Variants in TTC19 observed in about 807,000 individuals in gnomAD.
TTC19 encodes the protein tetratricopeptide repeat protein 19, mitochondrial.
Under a neutral mutation model 49.5 loss-of-function variants are expected in TTC19, and 38 were observed. The observed-to-expected ratio is 0.77, with a 90% CI of 0.59 to 1.01. TTC19 has a LOEUF of 1.01. TTC19 is among the 50% of genes least tolerant of loss of function. The pLI, the probability that TTC19 is intolerant of heterozygous loss-of-function variation, is 0.00. For synonymous variants in TTC19, 204 were observed against 185.2 expected (o/e 1.10, Z -0.83); for missense variants, 475 against 477.7 (o/e 0.99, Z 0.05).
chr17:16,032,461 G>A, downstream of TTC19: 1 of 1,596,054 alleles, frequency 6.3e-7, no homozygotes, highest in Non-Finnish European at 8.5e-7. Flanking sequence ...TAGTCAGAGG[G>A]TTATAAGGAA....
At position 16,026,845 on chromosome 17, in the gene TTC19, G is replaced by A. The variant is rs909891372; in HGVS notation, c.994+143G>A. On this transcript the variant is annotated intron_variant, in intron 9 of 9. Coordinates refer to ENST00000261647, the MANE Select transcript of TTC19 (RefSeq NM_017775.4). ...AAGACTGGTTGAATGGCAGAAAAAGGAGGTATTGATTAGGTTGAAGTACTA... is the reference window on the plus strand; with the variant it reads ...AAGACTGGTTGAATGGCAGAAAAAGAAGGTATTGATTAGGTTGAAGTACTA... 1.3e-5 allele frequency: 12 copies of A among 893,798 alleles called. No individual in the cohort carries two copies. In the African/African-American group the frequency reaches 1.5e-4, roughly 11 times the overall value. The allele number at this position is 893,798 out of a possible 1,614,324, so 55.4% of individuals were successfully genotyped here.
At chr17:16,039,786 A>C in intron 2 of TTC19, 1 of 767,186 alleles carries the variant, frequency 1.3e-6, no homozygotes, top group Non-Finnish European at 2.1e-6. Flanking sequence ...AGGACCCACC[A>C]CACAGAGACC....
At chr17:16,041,658 A>G (rs1202380897) in intron 2 of TTC19, among the ~76,000 whole-genome samples, 1 of 151,816 alleles carries the variant, frequency 6.6e-6, no homozygotes. Context: ...CAGGTGATCT[A>G]CCCACCTCAG....
In TTC19 at chr17:16,006,523, G is replaced by GA; in HGVS notation, c.637dup (p.Ile213AsnfsTer2). 2 of 1,613,764 alleles carry GA rather than the reference G, an allele frequency of 1.2e-6. No individual in the cohort carries two copies. Among genetic ancestry groups the GA allele is most frequent in the South Asian group, 1.1e-5 (1 of 91,058 alleles). On this transcript the variant is annotated frameshift_variant, in exon 7 of 10. Coordinates refer to ENST00000261647, the MANE Select transcript of TTC19 (RefSeq NM_017775.4). LOFTEE classifies it high-confidence loss of function. ...TGAATTCTGCATTTCAACTCTAGAG[G>GA]AAAAAATTGAAAGAGAAAAGGAATT...
At chr17:16,042,020 C>T (rs1158205017) in intron 2 of TTC19, among the ~76,000 whole-genome samples, 2 of 152,116 alleles carry the variant, frequency 1.3e-5, no homozygotes, top group Non-Finnish European at 2.9e-5. Context: ...AGGTGTGAGC[C>T]ACCGTGCCCG....
chr17:16,017,063 A>G (rs1297095772), intron 7 of TTC19, among the ~76,000 whole-genome samples: 1 of 152,140 alleles, frequency 6.6e-6, no homozygotes, highest in Admixed American at 6.5e-5. Flanking sequence ...TCATAGATAT[A>G]TTTATTTGTT....
At position 16,000,215 on chromosome 17, in the gene TTC19, A is replaced by T. The variant is rs778180602; in HGVS notation, c.282A>T (p.Ala94=). The change falls in exon 2 of 10, where the codon GCA becomes GCT. Residue 94 remains alanine (A), a synonymous_variant. Coordinates refer to ENST00000261647, the MANE Select transcript of TTC19 (RefSeq NM_017775.4). ...AGGACGGGGCGGACGAGGCCGAGGC[A>T]GAGATCATCCAGCTGCTGAAGCGAG... The part of the protein sequence containing the change: ...AAEDGADEAE[A]EIIQLLKRAK... The T allele has an allele frequency of 1.4e-4, 224 of 1,594,996 alleles. 1 individual carries two copies. Among genetic ancestry groups the T allele is most frequent in the Non-Finnish European group, 4.6e-5 (54 of 1,179,136 alleles).
At chr17:16,004,006 CT>C in intron 5 of TTC19, 119 bp downstream of exon 5, 4 of 1,208,704 alleles carry the variant, frequency 3.3e-6, no homozygotes, top group Non-Finnish European at 4.8e-6. Flanking sequence ...AGTTTCCCTT[CT>C]GAGATCTCTA....
At chr17:16,004,161 T>C (rs1301717779) in intron 5 of TTC19, 40 bp from the exon 6 acceptor site, 1 of 1,593,444 alleles carries the variant, frequency 6.3e-7, no homozygotes, top group Non-Finnish European at 8.6e-7. Flanking sequence ...ATGAAAAAAT[T>C]TACTTGTTAT....
intron 7 of TTC19, 44 bp downstream of exon 7, chr17:16,006,612 GCTTTA>G: frequency 7.8e-7 from 1 of 1,281,390 alleles, no homozygotes. Flanking sequence ...TCCACAAAAG[GCTTTA>G]CTTTACACTT....
chr17:16,035,258 T>C (rs574671455), intron 2 of TTC19, among the ~76,000 whole-genome samples: 11 of 152,334 alleles, frequency 7.2e-5, no homozygotes, highest in Non-Finnish European at 1.0e-4. Flanking sequence ...ATTTGTAGCA[T>C]GCAATGATAG....
intron 7 of TTC19, chr17:16,023,971 AG>A (rs1311490735): frequency 2.6e-5 from 4 of 152,230 alleles, no homozygotes; most frequent in Non-Finnish European, 5.9e-5. Context: ...AGATTATCTA[AG>A]GTAACCTCTT....
intron 7 of TTC19, chr17:16,023,572 ACAT>A (rs1473104440): frequency 5.3e-5 from 8 of 152,364 alleles, no homozygotes; most frequent in Admixed American, 5.2e-4. Context: ...CGTGATGTTA[ACAT>A]CATTCTCGAA....
chr17:16,031,238 C>G, downstream of TTC19: 1 of 198,786 alleles, frequency 5.0e-6, no homozygotes. Context: ...GGACTGTGTT[C>G]ACCATGAGTT....
At chr17:16,023,049 G>C (rs6502487) in intron 7 of TTC19, among the ~76,000 whole-genome samples, 25,216 of 151,960 alleles carry the variant, frequency 0.17, 4,745 homozygotes, top group African/African-American at 0.46. Context: ...ACTAGCAAAG[G>C]AACTCTTTGG....
chr17:16,010,078 T>C (rs577523862), intron 7 of TTC19, among the ~76,000 whole-genome samples: 1 of 151,868 alleles, frequency 6.6e-6, no homozygotes, highest in South Asian at 2.1e-4. Flanking sequence ...AAAAGTCAAA[T>C]AATATTAATA....
At chr17:16,035,192 C>T (rs1305462896) in intron 2 of TTC19, among the ~76,000 whole-genome samples, 2 of 152,142 alleles carry the variant, frequency 1.3e-5, no homozygotes, top group African/African-American at 4.8e-5. Flanking sequence ...ATCTGCATGG[C>T]GGTTGCCAAA....
chr17:16,014,196 CT>C (rs1971151890), intron 7 of TTC19, among the ~76,000 whole-genome samples: 2 of 152,228 alleles, frequency 1.3e-5, no homozygotes, highest in African/African-American at 4.8e-5. Context: ...TCCTAGAAGT[CT>C]CCAAGTAGAT....
chr17:16,043,459 T>C (rs1381608401), intron 2 of TTC19, among the ~76,000 whole-genome samples: 5 of 152,372 alleles, frequency 3.3e-5, no homozygotes, highest in Admixed American at 6.5e-5. Flanking sequence ...CCTTAAGACA[T>C]TAATTATCTC....
Sources: allele counts gnomAD v4.1 joint callset (sites outside exome capture counted in the v4.1 genomes callset), GRCh38; gene constraint gnomAD v4.1.1; transcripts MANE v1.5; gene names NCBI Gene and HGNC (gene_info 2026-07-23, HGNC 2026-07-21).